The following ADAMTSL1 variants were observed in gnomAD, a reference collection of about 807,000 sequenced individuals.
ADAMTSL1 encodes ADAMTS-like protein 1.
Under a neutral mutation model 201.8 loss-of-function variants are expected in ADAMTSL1, and 126 were observed. The ratio of observed to expected loss-of-function variants is 0.62; its 90% confidence interval spans 0.54 to 0.72. The LOEUF (loss-of-function observed/expected upper bound fraction) is 0.72, where lower values mean the gene tolerates loss of function less well. Ranked by LOEUF, ADAMTSL1 falls within the 30% of genes least tolerant of loss-of-function variation. ADAMTSL1 has a pLI of 0.00. For synonymous variants in ADAMTSL1, 1,121 were observed against 903.4 expected (o/e 1.24, Z -4.32); for missense variants, 2,679 against 2,277.8 (o/e 1.18, Z -3.59).
At chr9:17,982,005 G>T (rs1281016052) in intron 1 of ADAMTSL1, among the ~76,000 whole-genome samples, 1 of 152,176 alleles carries the variant, frequency 6.6e-6, no homozygotes, top group Non-Finnish European at 1.5e-5. Context: ...GGCAAAAATG[G>T]CTTTCCACTC....
At chr9:18,313,552 A>G (rs2132807649) in intron 2 of ADAMTSL1, among the ~76,000 whole-genome samples, 1 of 152,314 alleles carries the variant, frequency 6.6e-6, no homozygotes, top group South Asian at 2.1e-4. Context: ...TCTTTTTAAA[A>G]GCTCTCCAAG....
At chr9:17,980,383 T>C (rs1158053666) in intron 1 of ADAMTSL1, among the ~76,000 whole-genome samples, 1 of 152,114 alleles carries the variant, frequency 6.6e-6, no homozygotes, top group Non-Finnish European at 1.5e-5. Flanking sequence ...CATTTTGGTC[T>C]GTTTTTTTTT....
In ADAMTSL1 at chr9:18,888,036, G is replaced by A; in HGVS notation, c.4455G>A (p.Val1485=). The change falls in exon 24 of 29, where the codon GTG becomes GTA. Residue 1485 remains valine (V), a synonymous_variant. Coordinates refer to ENST00000380548, the MANE Select transcript of ADAMTSL1 (RefSeq NM_001040272.6). Reference sequence around the variant, plus strand: ...TGCTCATGCAGAAGGCATCTTTAGTGATCCAAGGTAAGAAACCCTGCAGAC... The same window carrying A: ...TGCTCATGCAGAAGGCATCTTTAGTAATCCAAGGTAAGAAACCCTGCAGAC... ...AGVLMQKASL[V]IQDYWWSVDR... 1 of 1,612,508 alleles carries A rather than the reference G, an allele frequency of 6.2e-7. No homozygotes were observed. The highest frequency in any genetic ancestry group is 8.5e-7 in the Non-Finnish European group (1 of 1,179,250).
chr9:18,903,344 AC>A (rs1830116641), intron 26 of ADAMTSL1, among the ~76,000 whole-genome samples: 1 of 152,226 alleles, frequency 6.6e-6, no homozygotes, highest in East Asian at 1.9e-4. Context: ...GTAAGAAAAC[AC>A]CAAATACAAA....
chr9:18,288,258 G>T (rs190010555), intron 2 of ADAMTSL1, among the ~76,000 whole-genome samples: 1 of 152,080 alleles, frequency 6.6e-6, no homozygotes, highest in South Asian at 2.1e-4. Context: ...AGAAATCCCA[G>T]GTCAATGTCT....
intron 1 of ADAMTSL1, among the ~76,000 whole-genome samples, chr9:18,125,976 T>C (rs570114548): frequency 1.3e-5 from 2 of 152,264 alleles, no homozygotes; most frequent in Non-Finnish European, 2.9e-5. Flanking sequence ...AACTATTCAA[T>C]TGCAACTAGA....
At chr9:18,836,089 T>G (rs1825292924) in intron 23 of ADAMTSL1, among the ~76,000 whole-genome samples, 1 of 152,174 alleles carries the variant, frequency 6.6e-6, no homozygotes. Flanking sequence ...CAAACTGCTT[T>G]CCACAGCGGC....
chr9:18,540,722 T>G (rs1820079207), intron 3 of ADAMTSL1, among the ~76,000 whole-genome samples: 2 of 152,168 alleles, frequency 1.3e-5, no homozygotes, highest in African/African-American at 2.4e-5. Context: ...CTTCTGTGCA[T>G]TTCTCTTCTC....
At chr9:18,302,084 TTA>T (rs937165257) in intron 2 of ADAMTSL1, among the ~76,000 whole-genome samples, 5 of 152,204 alleles carry the variant, frequency 3.3e-5, no homozygotes, top group Non-Finnish European at 5.9e-5. Context: ...TCCCATTTCA[TTA>T]AAGCTTGTCA....
chr9:18,265,592 C>A (rs34263679), intron 2 of ADAMTSL1, among the ~76,000 whole-genome samples: 2 of 152,084 alleles, frequency 1.3e-5, no homozygotes, highest in Non-Finnish European at 2.9e-5. Flanking sequence ...AAGGTATATA[C>A]CCTGAGCACA....
At chr9:18,598,225 T>C (rs151227905) in intron 4 of ADAMTSL1, among the ~76,000 whole-genome samples, 42 of 152,272 alleles carry the variant, frequency 2.8e-4, no homozygotes, top group African/African-American at 1.0e-3. Context: ...CTGAATCTCC[T>C]TATTTTGTTT....
chr9:18,261,908 A>G (rs1831939366), intron 2 of ADAMTSL1, among the ~76,000 whole-genome samples: 1 of 152,254 alleles, frequency 6.6e-6, no homozygotes. Context: ...TATGAAGGCT[A>G]CATGAAAGAA....
chr9:18,652,625 C>A (rs1356340919), intron 7 of ADAMTSL1, among the ~76,000 whole-genome samples: 2 of 152,086 alleles, frequency 1.3e-5, no homozygotes, highest in Non-Finnish European at 2.9e-5. Context: ...ATAAAACATG[C>A]TTTGTGTTAG....
At chr9:18,894,493 T>A (rs2131574726) in intron 26 of ADAMTSL1, among the ~76,000 whole-genome samples, 1 of 152,162 alleles carries the variant, frequency 6.6e-6, no homozygotes, top group East Asian at 1.9e-4. Context: ...TGGAGAGGAA[T>A]CCATTTCCTC....
chr9:18,166,418 A>G (rs990705219), intron 2 of ADAMTSL1, among the ~76,000 whole-genome samples: 1 of 151,982 alleles, frequency 6.6e-6, no homozygotes, highest in East Asian at 1.9e-4. Context: ...GGGCCTTATA[A>G]ATGTGAACAT....
intron 2 of ADAMTSL1, among the ~76,000 whole-genome samples, chr9:18,350,076 G>A (rs1835898941): frequency 6.6e-6 from 1 of 151,978 alleles, no homozygotes; most frequent in African/African-American, 2.4e-5. Flanking sequence ...AAGAGCTAGA[G>A]AATGGGGAGC....
At chr9:18,708,471 T>C (rs1483514200) in intron 14 of ADAMTSL1, among the ~76,000 whole-genome samples, 3 of 152,224 alleles carry the variant, frequency 2.0e-5, no homozygotes, top group Non-Finnish European at 2.9e-5. Context: ...TGTAACTGTG[T>C]TCATATGGGA....
Position 18,494,626 on chromosome 9 carries a change from T to G in ADAMTSL1, c.64-10203T>G, listed in dbSNP as rs80195923. On this transcript the variant is annotated intron_variant, in intron 1 of 28. Transcript: ENST00000380548. Reference sequence around the variant, plus strand: ...CATGTATGATTACAAAAAGCAGGAATGAATCTAGAATGTTGATTTAGGGCC... The same window carrying G: ...CATGTATGATTACAAAAAGCAGGAAGGAATCTAGAATGTTGATTTAGGGCC... Among the ~76,000 whole-genome samples, 79 of 152,290 alleles carry G rather than the reference T, an allele frequency of 5.2e-4. No individual in the cohort carries two copies. In the East Asian group the frequency reaches 0.014, roughly 26 times the overall value.
At chr9:18,241,694 A>G (rs1831070047) in intron 2 of ADAMTSL1, among the ~76,000 whole-genome samples, 1 of 152,182 alleles carries the variant, frequency 6.6e-6, no homozygotes, top group Non-Finnish European at 1.5e-5. Context: ...AGAAGTTACA[A>G]CAGATGCCTT....
Sources: gnomAD v4.1 joint callset for allele counts (sites outside exome capture counted in the v4.1 genomes callset) on GRCh38, gnomAD v4.1.1 for gene constraint, MANE v1.5 for transcripts, NCBI Gene and HGNC (gene_info 2026-07-23, HGNC 2026-07-21) for gene names.